The following KCNH7 variants were observed in gnomAD, a reference collection of about 807,000 sequenced individuals.
KCNH7 encodes the protein voltage-gated inwardly rectifying potassium channel KCNH7.
In KCNH7, 49 loss-of-function variants were observed where a neutral mutation model predicts 120.8. The ratio of observed to expected loss-of-function variants is 0.41; its 90% confidence interval spans 0.32 to 0.51. The LOEUF (loss-of-function observed/expected upper bound fraction) is 0.51, where lower values mean the gene tolerates loss of function less well. Among genes scored for constraint, KCNH7 ranks in the 20% least tolerant of loss-of-function variants. The pLI, the probability that KCNH7 is intolerant of heterozygous loss-of-function variation, is 0.38. For synonymous variants in KCNH7, 547 were observed against 516.1 expected (o/e 1.06, Z -0.81); for missense variants, 1,097 against 1,446.6 (o/e 0.76, Z 3.92).
chr2:162,644,171 C>T (rs1369251), intron 2 of KCNH7, among the ~76,000 whole-genome samples: 7,969 of 151,996 alleles, frequency 0.052, 420 homozygotes, highest in East Asian at 0.12. Context: ...GAAAAGACTG[C>T]GCTGTATCTG....
chr2:162,607,820 TA>T (rs1411411003), intron 2 of KCNH7, among the ~76,000 whole-genome samples: 1 of 152,090 alleles, frequency 6.6e-6, no homozygotes, highest in Non-Finnish European at 1.5e-5. Context: ...TATCTTTACA[TA>T]AAAATATACA....
intron 6 of KCNH7, among the ~76,000 whole-genome samples, chr2:162,465,472 T>C (rs899528905): frequency 6.6e-6 from 1 of 152,212 alleles, no homozygotes; most frequent in African/African-American, 2.4e-5. Flanking sequence ...ACACTTATTA[T>C]ACAGGCAATT....
chr2:162,656,627 G>A (rs978426154), intron 2 of KCNH7, among the ~76,000 whole-genome samples: 5 of 152,176 alleles, frequency 3.3e-5, no homozygotes, highest in African/African-American at 1.2e-4. Flanking sequence ...CCCAGGGTAT[G>A]TTATTAGGAC....
At chr2:162,638,509 T>C (rs1290352745) in intron 2 of KCNH7, among the ~76,000 whole-genome samples, 1 of 151,980 alleles carries the variant, frequency 6.6e-6, no homozygotes, top group East Asian at 1.9e-4. Flanking sequence ...ATAAACAACA[T>C]GTCACATCAT....
chr2:162,490,092 A>G (rs1380070901), intron 6 of KCNH7, among the ~76,000 whole-genome samples: 1 of 152,242 alleles, frequency 6.6e-6, no homozygotes, highest in Non-Finnish European at 1.5e-5. Context: ...AGCTTGCTTT[A>G]GGCAGACAGT....
At chr2:162,391,054 G>A (rs1327797257) in intron 12 of KCNH7, among the ~76,000 whole-genome samples, 3 of 151,924 alleles carry the variant, frequency 2.0e-5, no homozygotes, top group Non-Finnish European at 4.4e-5. Context: ...TGGCAATCCA[G>A]GACTCAACCT....
intron 2 of KCNH7, among the ~76,000 whole-genome samples, chr2:162,694,463 G>A (rs983638047): frequency 4.1e-5 from 6 of 145,784 alleles, no homozygotes; most frequent in Admixed American, 1.3e-4. Flanking sequence ...GGTGCGTGTG[G>A]GTATGTGTGA....
chr2:162,513,641 C>T (rs1691189315), intron 4 of KCNH7, among the ~76,000 whole-genome samples: 3 of 151,638 alleles, frequency 2.0e-5, no homozygotes, highest in Admixed American at 1.3e-4. Flanking sequence ...CACCAGTCTG[C>T]CTGGCTCCAC....
At chr2:162,635,195 C>T (rs1404675050) in intron 2 of KCNH7, among the ~76,000 whole-genome samples, 3 of 151,944 alleles carry the variant, frequency 2.0e-5, no homozygotes. Flanking sequence ...TTTATAATTT[C>T]AATTCTCAGC....
intron 6 of KCNH7, chr2:162,497,155 C>G (rs1690523201): frequency 6.6e-6 from 1 of 152,070 alleles, no homozygotes; most frequent in African/African-American, 2.4e-5. Context: ...AGTACTAAAT[C>G]ATAAATACTT....
chr2:162,775,782 T>A (rs952759181), intron 2 of KCNH7, among the ~76,000 whole-genome samples: 1 of 152,210 alleles, frequency 6.6e-6, no homozygotes, highest in South Asian at 2.1e-4. Context: ...CATAGTGGCA[T>A]AAGTGAATAT....
chr2:162,727,505 G>C (rs8179661), intron 2 of KCNH7, among the ~76,000 whole-genome samples: 3,241 of 152,090 alleles, frequency 0.021, 72 homozygotes, highest in East Asian at 0.11. Context: ...TCTACCCATA[G>C]TCCCAGACGT....
chr2:162,578,791 AGC>A (rs1693770994), intron 2 of KCNH7, among the ~76,000 whole-genome samples: 1 of 152,072 alleles, frequency 6.6e-6, no homozygotes, highest in East Asian at 1.9e-4. Context: ...TCCCTTGATA[AGC>A]ATCCTTTGCT....
intron 9 of KCNH7, among the ~76,000 whole-genome samples, chr2:162,407,328 A>C (rs769736047): frequency 2.6e-5 from 4 of 152,044 alleles, no homozygotes; most frequent in African/African-American, 4.8e-5. Context: ...AGAGTCCTTG[A>C]AAAATGAAAC....
At chr2:162,780,943 GTTTAA>G (rs1683457680) in intron 2 of KCNH7, among the ~76,000 whole-genome samples, 1 of 152,030 alleles carries the variant, frequency 6.6e-6, no homozygotes, top group African/African-American at 2.4e-5. Flanking sequence ...TGCCATCATT[GTTTAA>G]TTTAAGAGAT....
At chr2:162,387,484 C>CTT (rs532104742) in intron 12 of KCNH7, among the ~76,000 whole-genome samples, 2,501 of 150,518 alleles carry the variant, frequency 0.017, 189 homozygotes, top group Admixed American at 0.15. Flanking sequence ...GTATCAGGTA[C>CTT]TTTTTTTTTC....
In KCNH7 at chr2:162,776,921, T is replaced by A. The variant is rs142791561; in HGVS notation, c.307+59616A>T. Among the ~76,000 whole-genome samples the A allele has an allele frequency of 2.6e-3, 397 of 152,216 alleles. 11 individuals carry two copies. In the East Asian group the frequency reaches 0.041, roughly 16 times the overall value. ...ACCAGTGTTCTTAGACTATAAGAAGTTTCATATATAAGCCCTCTAACAACT... is the reference window on the plus strand; with the variant it reads ...ACCAGTGTTCTTAGACTATAAGAAGATTCATATATAAGCCCTCTAACAACT... On this transcript the variant is annotated intron_variant, in intron 2 of 15. Coordinates refer to ENST00000332142, the MANE Select transcript of KCNH7 (RefSeq NM_033272.4).
At chr2:162,682,402 C>T (rs191486292) in intron 2 of KCNH7, among the ~76,000 whole-genome samples, 6 of 143,810 alleles carry the variant, frequency 4.2e-5, no homozygotes, top group African/African-American at 1.7e-4. Context: ...GTCTAGTTGT[C>T]CTGAGAGACA....
At chr2:162,529,206 A>G (rs1009131481) in intron 3 of KCNH7, among the ~76,000 whole-genome samples, 1 of 152,002 alleles carries the variant, frequency 6.6e-6, no homozygotes, top group Non-Finnish European at 1.5e-5. Flanking sequence ...GTAAACAATG[A>G]GTTTGCCTAA....
Sources: gnomAD v4.1 joint callset for allele counts (sites outside exome capture counted in the v4.1 genomes callset) on GRCh38, gnomAD v4.1.1 for gene constraint, MANE v1.5 for transcripts, NCBI Gene and HGNC (gene_info 2026-07-23, HGNC 2026-07-21) for gene names.